Variants in TH observed in about 807,000 individuals in gnomAD.
TH encodes the protein tyrosine 3-monooxygenase.
TH carries 49 observed loss-of-function variants against 57.4 expected under a neutral mutation model. That is an observed-to-expected ratio of 0.85 (90% CI 0.68 to 1.08). The LOEUF (loss-of-function observed/expected upper bound fraction) is 1.08. Among genes scored for constraint, TH ranks in the 50% least tolerant of loss-of-function variants. TH has a pLI of 0.00. For synonymous variants in TH, 330 were observed against 304.5 expected (o/e 1.08, Z -0.87); for missense variants, 720 against 696.7 (o/e 1.03, Z -0.38).
intron 2 of TH, among the ~76,000 whole-genome samples, 156 bp downstream of exon 2, chr11:2,169,494 G>A (rs1176460294): frequency 6.6e-6 from 1 of 152,094 alleles, no homozygotes; most frequent in Non-Finnish European, 1.5e-5. Context: ...GATGCCATGG[G>A]GGCTGAGCTG....
Position 2,168,117 on chromosome 11 carries a change from C to T in TH, c.550G>A (p.Asp184Asn), listed in dbSNP as rs139807727. 328 of 1,613,404 alleles carry T rather than the reference C, an allele frequency of 2.0e-4. 1 individual carries two copies. Among genetic ancestry groups the T allele is most frequent in the Middle Eastern group, 3.3e-4 (2 of 6,084 alleles). The change falls in exon 4 of 13, where the codon GAC becomes AAC. Residue 184 changes from aspartate to asparagine, a missense_variant. Coordinates refer to ENST00000352909, the MANE Select transcript of TH (RefSeq NM_000360.4). ...GGGTGGTCCAAGTCCAGGTCAGGGT[C>T]GAACTTGGTGACCAGGTGATGACAC... ...DKCHHLVTKF[D>N]PDLDLDHPGF... is the part of the protein sequence containing the mutation.
chr11:2,164,782 C>T (rs1231612664), intron 12 of TH, among the ~76,000 whole-genome samples: 1 of 152,096 alleles, frequency 6.6e-6, no homozygotes, highest in African/African-American at 2.4e-5. Flanking sequence ...ATGATGAGAC[C>T]TTTTATGAGG....
intron 6 of TH, 177 bp from the exon 7 acceptor site, chr11:2,167,209 G>C: frequency 1.9e-6 from 2 of 1,061,462 alleles, no homozygotes; most frequent in Non-Finnish European, 2.7e-6. Flanking sequence ...GAATCCCAGG[G>C]GATAGGGGGC....
Position 2,170,399 on chromosome 11 carries a change from C to G in TH, c.91-528G>C, listed in dbSNP as rs111400555. On this transcript the variant is annotated intron_variant, in intron 1 of 12. Transcript: ENST00000352909. The surrounding 1 kb of genome is among the most constrained non-coding windows in gnomAD (Gnocchi z 6.0). The stretch of plus-strand genomic sequence containing the variant: ...CTCGGGCCCTGCCCCTCTGTGCCAC[C>G]CCGCAGGCGCCCGCTCCTGGCTGCC... 9.7e-3 allele frequency among the ~76,000 whole-genome samples: 1,471 copies of G among 152,188 alleles called. 25 individuals are homozygous for G. Among genetic ancestry groups the G allele is most frequent in the African/African-American group, 0.034 (1,399 of 41,524 alleles).
In TH at chr11:2,165,762, A is replaced by AT; in HGVS notation, c.1105_1106insA (p.Leu369HisfsTer12). The AT allele has an allele frequency of 6.2e-7, 1 of 1,612,170 alleles. No homozygotes were observed. Among genetic ancestry groups the AT allele is most frequent in the South Asian group, 1.1e-5 (1 of 90,940 alleles). On this transcript the variant is annotated frameshift_variant and splice_region_variant, in exon 11 of 13. Transcript: ENST00000352909. LOFTEE classifies it high-confidence loss of function. ...CCCGAACTCCACCGTGAACCAGTAC[A>AT]GCTGCGGGGAAGCCGGGCAGCATCA...
intron 9 of TH, 159 bp from the exon 10 acceptor site, chr11:2,166,217 C>A: frequency 2.2e-6 from 2 of 916,034 alleles, no homozygotes; most frequent in Admixed American, 2.1e-5. Flanking sequence ...CTCCACCGGG[C>A]CTCCTCCTCC....
At chr11:2,168,881 C>T (rs1325391643) in intron 2 of TH, among the ~76,000 whole-genome samples, 3 of 152,234 alleles carry the variant, frequency 2.0e-5, no homozygotes, top group East Asian at 3.8e-4. Flanking sequence ...TTTTGTGTTA[C>T]GTGCCTAACC....
Position 2,165,223 on chromosome 11 carries a change from C to T in TH, c.1334+9G>A, listed in dbSNP as rs758713265. 18 of 1,612,686 alleles carry T rather than the reference C, an allele frequency of 1.1e-5. No homozygotes were observed. In the East Asian group the frequency reaches 3.6e-4, roughly 32 times the overall value. On this transcript the variant is annotated intron_variant, in intron 12 of 12. Transcript: ENST00000352909. ...ACCATGGGGGGCTTGCCCTAGCAGC[C>T]TAGCCCACCTGAGCTTGTCCTTGGC... is the stretch of plus-strand genomic sequence containing the variant.
chr11:2,168,752 T>TTTGG, intron 2 of TH, 87 bp from the exon 3 acceptor site: 1 of 1,117,792 alleles, frequency 8.9e-7, no homozygotes, highest in South Asian at 1.3e-5. Context: ...AGGAGGCACA[T>TTTGG]CTGGCTGGCT....
In TH at chr11:2,165,468, C is replaced by A. The variant is rs908536970; in HGVS notation, c.1201-103G>T. 7.8e-6 allele frequency: 12 copies of A among 1,533,002 alleles called. No homozygotes were observed. In the African/African-American group the frequency reaches 1.2e-4, roughly 16 times the overall value. 95.0% of individuals were successfully genotyped at this position (1,533,002 alleles called of 1,614,324 possible). A position where few individuals can be genotyped will look rare whatever the true frequency, so the allele number is the denominator to read the frequency against. On this transcript the variant is annotated intron_variant, in intron 11 of 12. Transcript: ENST00000352909. ...TGGGTGGGTTCCTTGGGTAGAGTCA[C>A]CCCCATCTCCCCCGCCGGGCCTTCG...
At chr11:2,168,728 T>A (rs1024599262) in intron 2 of TH, 63 bp from the exon 3 acceptor site, 4 of 85,540 alleles carry the variant, frequency 4.7e-5, no homozygotes, top group Non-Finnish European at 8.8e-5. Context: ...AGAGAGAGGG[T>A]GGGGTGGGCG....
rs769897682 is a variant in TH, at chr11:2,169,806, C to T, written c.156G>A (p.Ala52=). 34 of 1,611,152 alleles carry T rather than the reference C, an allele frequency of 2.1e-5. No individual in the cohort carries two copies. Among genetic ancestry groups the T allele is most frequent in the Non-Finnish European group, 2.7e-5 (32 of 1,179,514 alleles). ...GGACTGCAGCGGCCGCTGCTGCCAC[C>T]GCCGCCTCCCGCTCCTTGCGGGCGT... ...IEDARKEREA[A]VAAAAAAVPS... Residue 52 remains alanine (A), a synonymous_variant, in exon 2 of 13, where the codon GCG becomes GCA. Transcript: ENST00000352909.
chr11:2,168,355 G>A (rs572379384), intron 3 of TH, 136 bp downstream of exon 3: 13 of 1,376,722 alleles, frequency 9.4e-6, no homozygotes, highest in Middle Eastern at 2.1e-4. Context: ...GTAGCAAAAC[G>A]GGGTGCGGAG....
rs1002356459 is a variant in TH at position 2,169,665 on chromosome 11, A to G, written c.297T>C (p.Ala99=). ...RATKPSALSR[A]VKVFETFEAK... is the part of the protein sequence containing the mutation. The stretch of plus-strand genomic sequence containing the variant: ...ACCAGCTCACCTCAAACACCTTCAC[A>G]GCTCGGGACAGCGCCGAGGGCTTGG... The change falls in exon 2 of 13, where the codon GCT becomes GCC. Residue 99 remains alanine (A), a synonymous_variant. Coordinates refer to ENST00000352909, the MANE Select transcript of TH (RefSeq NM_000360.4). 7 of 1,613,426 alleles carry G rather than the reference A, an allele frequency of 4.3e-6. No individual in the cohort carries two copies. In the African/African-American group the frequency reaches 9.3e-5, roughly 22 times the overall value.
intron 5 of TH, 53 bp downstream of exon 5, chr11:2,167,813 C>G (rs1846140337): frequency 6.5e-7 from 1 of 1,548,686 alleles, no homozygotes; most frequent in Admixed American, 1.9e-5. Flanking sequence ...CCCCCCAGGT[C>G]CAGCGTCAGC....
rs918432885 is a variant in TH, at chr11:2,168,196, G to C, written c.488-17C>G. On this transcript the variant is annotated splice_polypyrimidine_tract_variant and intron_variant, in intron 3 of 12. Coordinates refer to ENST00000352909, the MANE Select transcript of TH (RefSeq NM_000360.4). ...ACCAGGGGACTTTATGGGTGATGGA[G>C]GAAGAGATCTTGGTGAGCTCGGAGC... The C allele has an allele frequency of 1.9e-6, 3 of 1,611,962 alleles. No individual in the cohort carries two copies. Among genetic ancestry groups the C allele is most frequent in the Non-Finnish European group, 2.5e-6 (3 of 1,178,790 alleles).
intron 12 of TH, among the ~76,000 whole-genome samples, chr11:2,164,872 C>A (rs1275840299): frequency 6.6e-6 from 1 of 152,112 alleles, no homozygotes; most frequent in Non-Finnish European, 1.5e-5. Context: ...GGACCCCACT[C>A]CCGCCCTGTC....
Position 2,171,812 on chromosome 11 carries a change from G to A in TH, c.-26C>T, listed in dbSNP as rs747645686. The A allele has an allele frequency of 7.5e-6, 12 of 1,601,960 alleles. No individual in the cohort carries two copies. Among genetic ancestry groups the A allele is most frequent in the East Asian group, 2.2e-5 (1 of 44,810 alleles). On this transcript the variant is annotated 5_prime_UTR_variant, in exon 1 of 13. The change creates a new upstream start codon in the 5' untranslated region. Coordinates refer to ENST00000352909, the MANE Select transcript of TH (RefSeq NM_000360.4). The surrounding 1 kb of genome is among the most constrained non-coding windows in gnomAD (Gnocchi z 8.6). ...GGCTCAGTGTGGAGGTCCGGGCTCC[G>A]TCTCCACAGCCCTGGCCCAGCAGCC...
Position 2,165,370 on chromosome 11 carries a change from C to A in TH, c.1201-5G>T. 4 of 1,608,978 alleles carry A rather than the reference C, an allele frequency of 2.5e-6. No homozygotes were observed. Among genetic ancestry groups the A allele is most frequent in the Non-Finnish European group, 3.4e-6 (4 of 1,179,958 alleles). The stretch of plus-strand genomic sequence containing the variant: ...AGGCTCCTCAGACAGGCAGTGCTGG[C>A]AGGAGGCCAATGGCATCACTGACTC... On this transcript the variant is annotated splice_region_variant and splice_polypyrimidine_tract_variant and intron_variant, in intron 11 of 12. Transcript: ENST00000352909.
Sources: allele counts gnomAD v4.1 joint callset (sites outside exome capture counted in the v4.1 genomes callset), GRCh38; gene constraint gnomAD v4.1.1; non-coding constraint Gnocchi (gnomAD v3.1); transcripts MANE v1.5; gene names NCBI Gene and HGNC (gene_info 2026-07-23, HGNC 2026-07-21).